Variants in UNKL observed in about 807,000 individuals in gnomAD.
UNKL encodes unk like zinc finger, also known as putative E3 ubiquitin-protein ligase UNKL.
In UNKL, 60 loss-of-function variants were observed where a neutral mutation model predicts 78.0. The observed-to-expected ratio is 0.77, with a 90% CI of 0.63 to 0.95. The LOEUF (loss-of-function observed/expected upper bound fraction) is 0.95. UNKL is among the 40% of genes least tolerant of loss of function. The probability of loss-of-function intolerance (pLI) is 0.00; values close to 1 mark genes in which losing one functional copy is unlikely to be tolerated. For synonymous variants in UNKL, 608 were observed against 474.8 expected, an observed-to-expected ratio of 1.28 and a Z score of -3.65; for missense variants, 1,159 against 1,045.7, an observed-to-expected ratio of 1.11 and a Z score of -1.49.
chr16:1,394,061 T>A, intron 7 of UNKL, 70 bp downstream of exon 7: 1 of 1,478,896 alleles, frequency 6.8e-7, no homozygotes, highest in South Asian at 1.2e-5. Flanking sequence ...GGGTCATCGG[T>A]AACTCCAGTG....
chr16:1,410,926 TC>T (rs1338916134), intron 2 of UNKL, among the ~76,000 whole-genome samples: 1 of 152,198 alleles, frequency 6.6e-6, no homozygotes, highest in African/African-American at 2.4e-5. Flanking sequence ...AGTTTAGGCA[TC>T]AACCTGCCTT....
chr16:1,393,097 G>C, intron 7 of UNKL, 121 bp from the exon 8 acceptor site: 1 of 1,069,434 alleles, frequency 9.4e-7, no homozygotes, highest in South Asian at 1.4e-5. Context: ...CATCCCTCAG[G>C]GGTGCGGCAG....
rs533044745 is a variant in UNKL at position 1,403,097 on chromosome 16, G to A, written c.464+71C>T. On this transcript the variant is annotated intron_variant, in intron 3 of 14. Transcript: ENST00000389221. The surrounding 1 kb of genome is among the most constrained non-coding windows in gnomAD (Gnocchi z 4.8). ...GCAGCAGGGAGGCGAGCCACTTGCC[G>A]AGTTCCTGCTCATCCAGCAGAGCCC... 2.1e-5 allele frequency: 32 copies of A among 1,504,644 alleles called. No individual in the cohort carries two copies. In the African/African-American group the frequency reaches 3.1e-4, roughly 14 times the overall value. 93.2% of individuals were successfully genotyped at this position (1,504,644 alleles called of 1,614,324 possible). A position where few individuals can be genotyped will look rare whatever the true frequency, so the allele number is the denominator to read the frequency against.
intron 11 of UNKL, 129 bp from the exon 12 acceptor site, chr16:1,370,486 A>AATATG (rs2035715051): frequency 1.7e-6 from 2 of 1,199,374 alleles, no homozygotes; most frequent in African/African-American, 1.6e-5. Flanking sequence ...GTGGGAATAT[A>AATATG]GGGGCCAGGC....
In UNKL at chr16:1,374,941, G is replaced by A. The variant is rs74002216; in HGVS notation, c.1265-3330C>T. On this transcript the variant is annotated intron_variant, in intron 10 of 14. Transcript: ENST00000389221. Reference sequence around the variant, plus strand: ...TCTGAAGAAGAACGCTGCCCTAGCCGCACATGAGATTTGTCGGGAACACAG... The same window carrying A: ...TCTGAAGAAGAACGCTGCCCTAGCCACACATGAGATTTGTCGGGAACACAG... Among the ~76,000 whole-genome samples the A allele has an allele frequency of 9.3e-3, 1,424 of 152,332 alleles. 23 individuals are homozygous for A. The highest frequency in any genetic ancestry group is 0.031 in the African/African-American group (1,282 of 41,574).
chr16:1,405,776 G>A (rs549527341), intron 2 of UNKL: 34 of 342,674 alleles, frequency 9.9e-5, no homozygotes, highest in African/African-American at 4.3e-4. Context: ...GCAGAGCCAC[G>A]TGATTACACC....
intron 10 of UNKL, chr16:1,378,870 C>T (rs2036437129): frequency 6.6e-6 from 1 of 152,314 alleles, no homozygotes; most frequent in Non-Finnish European, 1.5e-5. Flanking sequence ...GCTGCTGCAC[C>T]GTCCTGGCCC....
At position 1,367,690 on chromosome 16, in the gene UNKL, C is replaced by G. The variant is rs373627745; in HGVS notation, c.1754G>C (p.Arg585Pro). 7.0e-6 allele frequency: 11 copies of G among 1,580,592 alleles called. No individual in the cohort carries two copies. Among genetic ancestry groups the G allele is most frequent in the Non-Finnish European group, 9.4e-6 (11 of 1,164,424 alleles). The change falls in exon 13 of 15, where the codon CGG (arginine) becomes CCG (proline). Residue 585 changes from arginine (R) to proline (P), a missense_variant. Physicochemically the swap from Arg to Pro is moderately radical, Grantham distance 103. Coordinates refer to ENST00000389221, the MANE Select transcript of UNKL (RefSeq NM_001372107.1). Reference sequence around the variant, plus strand: ...CTGCTGCCAGGACTCCTCCCACTGCCGGATCTTCCTCTTGGCCTCGTCCAG... The same window carrying G: ...CTGCTGCCAGGACTCCTCCCACTGCGGGATCTTCCTCTTGGCCTCGTCCAG... ...RQLDEAKRKI[R>P]QWEESWQQVK... is the part of the protein sequence containing the mutation.
rs1414560819 is a variant in UNKL at position 1,372,878 on chromosome 16, G to GC, written c.1265-1268_1265-1267insG. On this transcript the variant is annotated intron_variant, in intron 10 of 14. Coordinates refer to ENST00000389221, the MANE Select transcript of UNKL (RefSeq NM_001372107.1). ...CACTGCACAGAGACCTCAGCAGCGTGGAGCACACCACACAGGGACTGCCGG... is the reference window on the plus strand; with the variant it reads ...CACTGCACAGAGACCTCAGCAGCGTGCGAGCACACCACACAGGGACTGCCGG... 1.9e-4 allele frequency among the ~76,000 whole-genome samples: 25 copies of GC among 133,642 alleles called. 2 individuals carry two copies. Among genetic ancestry groups the GC allele is most frequent in the Non-Finnish European group, 2.8e-4 (17 of 60,778 alleles). The allele number at this position is 133,642 out of a possible 152,430, so 87.7% of individuals were successfully genotyped here.
chr16:1,394,370 C>A (rs747993863), intron 6 of UNKL, 155 bp from the exon 7 acceptor site: 1 of 859,736 alleles, frequency 1.2e-6, no homozygotes, highest in South Asian at 1.4e-5. Context: ...TCCACGTGTG[C>A]CCTTGGTCCC....
intron 8 of UNKL, among the ~76,000 whole-genome samples, chr16:1,391,247 C>CACACACACACAA (rs1432685845): frequency 0.059 from 192 of 3,252 alleles, 2 homozygotes; most frequent in African/African-American, 0.15. Context: ...GATACACACA[C>CACACACACACAA]ACACACACAC....
At position 1,397,316 on chromosome 16, in the gene UNKL, G is replaced by A. The variant is rs1266743998; in HGVS notation, c.735-21C>T. The A allele has an allele frequency of 5.6e-6, 4 of 708,528 alleles. No individual in the cohort carries two copies. The Admixed American group carries it at 1.7e-4, about 30-fold the overall frequency. 43.9% of individuals were successfully genotyped at this position (708,528 alleles called of 1,614,324 possible). A position where few individuals can be genotyped will look rare whatever the true frequency, so the allele number is the denominator to read the frequency against. On this transcript the variant is annotated intron_variant, in intron 5 of 14. Transcript: ENST00000389221. ...TGGACCTGGGGATGAGGAGGTGTCAGGGGGACACAGAGGACTTGGCTCCCC... is the reference window on the plus strand; with the variant it reads ...TGGACCTGGGGATGAGGAGGTGTCAAGGGGACACAGAGGACTTGGCTCCCC...
At chr16:1,410,603 A>G (rs889946443) in intron 2 of UNKL, among the ~76,000 whole-genome samples, 1 of 152,156 alleles carries the variant, frequency 6.6e-6, no homozygotes. Context: ...AGTGCTGCCA[A>G]TCAGTGCCCT....
intron 10 of UNKL, chr16:1,378,780 GCAC>G (rs1226853652): frequency 4.6e-5 from 7 of 152,072 alleles, no homozygotes; most frequent in Admixed American, 4.6e-4. Context: ...TCCAAAGAGA[GCAC>G]CGGAGAGGGT....
At chr16:1,406,486 T>C (rs946944985) in intron 2 of UNKL, among the ~76,000 whole-genome samples, 2 of 152,148 alleles carry the variant, frequency 1.3e-5, no homozygotes. Context: ...GTGCTGGGAT[T>C]ACAGGCGTGA....
intron 9 of UNKL, among the ~76,000 whole-genome samples, chr16:1,386,508 C>T (rs1253645895): frequency 6.6e-6 from 1 of 152,002 alleles, no homozygotes; most frequent in Non-Finnish European, 1.5e-5. Flanking sequence ...GAGCCGAGAT[C>T]GCACCAATGC....
At chr16:1,382,819 G>A (rs2036651808) in intron 10 of UNKL, among the ~76,000 whole-genome samples, 1 of 151,984 alleles carries the variant, frequency 6.6e-6, no homozygotes, top group Non-Finnish European at 1.5e-5. Flanking sequence ...ACGGCCAGGT[G>A]TGGTGGCAGG....
At chr16:1,398,684 C>CA in intron 5 of UNKL, 1 of 1,035,402 alleles carries the variant, frequency 9.7e-7, no homozygotes, top group Non-Finnish European at 1.2e-6. Flanking sequence ...GGTCTGCACC[C>CA]CCCCACCCCC....
intron 13 of UNKL, 104 bp from the exon 14 acceptor site, chr16:1,367,453 G>A: frequency 7.2e-7 from 1 of 1,392,102 alleles, no homozygotes; most frequent in African/African-American, 1.8e-5. Flanking sequence ...CCCAGCATCA[G>A]CTGTGGCCCC....
Sources: allele counts gnomAD v4.1 joint callset (sites outside exome capture counted in the v4.1 genomes callset), GRCh38; gene constraint gnomAD v4.1.1; non-coding constraint Gnocchi (gnomAD v3.1); transcripts MANE v1.5; gene names NCBI Gene and HGNC (gene_info 2026-07-23, HGNC 2026-07-21).